Variants in FBXO15 observed in about 807,000 individuals in gnomAD.
FBXO15 encodes F-box only protein 15.
A neutral mutation model predicts 49.5 loss-of-function variants in FBXO15; 30 were observed. The observed-to-expected ratio is 0.61, with a 90% CI of 0.45 to 0.82. The LOEUF is 0.82. Among genes scored for constraint, FBXO15 ranks in the 40% least tolerant of loss-of-function variants. The probability of loss-of-function intolerance (pLI) is 0.00; values close to 1 mark genes in which losing one functional copy is unlikely to be tolerated. For synonymous variants in FBXO15, 250 were observed against 232.7 expected (o/e 1.07, Z -0.68); for missense variants, 591 against 631.5 (o/e 0.94, Z 0.69).
At chr18:74,088,685 G>A (rs1032109270) in intron 8 of FBXO15, among the ~76,000 whole-genome samples, 4 of 152,086 alleles carry the variant, frequency 2.6e-5, no homozygotes, top group Admixed American at 2.6e-4. Context: ...TGACTATTTG[G>A]GCTCTTTTTT....
chr18:74,138,344 G>T, intron 2 of FBXO15, among the ~76,000 whole-genome samples: 1 of 152,124 alleles, frequency 6.6e-6, no homozygotes, highest in East Asian at 1.9e-4. Context: ...ACCTGCAACA[G>T]CTGTGAGGGG....
intron 1 of FBXO15, among the ~76,000 whole-genome samples, chr18:74,141,181 G>C (rs969763490): frequency 2.0e-5 from 3 of 152,174 alleles, no homozygotes; most frequent in African/African-American, 7.2e-5. Flanking sequence ...GGTTCCTAAA[G>C]TAAATTTTAT....
Position 74,117,362 on chromosome 18 carries a change from GTTTA to G in FBXO15, c.1138+6002_1138+6005del, listed in dbSNP as rs1914276630. Among the ~76,000 whole-genome samples the G allele has an allele frequency of 3.3e-5, 5 of 152,128 alleles. No individual in the cohort carries two copies. In the South Asian group the frequency reaches 8.3e-4, roughly 25 times the overall value. On this transcript the variant is annotated intron_variant, in intron 8 of 9. Coordinates refer to ENST00000419743, the MANE Select transcript of FBXO15 (RefSeq NM_001142958.2). Reference sequence around the variant, plus strand: ...ATAACAACCATATAACCATCAAGGGGTTTATTAACGTTAACACAAAATTGGCTTA... The same window carrying G: ...ATAACAACCATATAACCATCAAGGGGTTAACGTTAACACAAAATTGGCTTA...
At chr18:74,126,602 A>T (rs1045290519) in intron 5 of FBXO15, among the ~76,000 whole-genome samples, 2 of 152,216 alleles carry the variant, frequency 1.3e-5, no homozygotes, top group African/African-American at 4.8e-5. Flanking sequence ...GTGAAAGTTG[A>T]CACATCAGAA....
intron 4 of FBXO15, among the ~76,000 whole-genome samples, chr18:74,129,924 C>T (rs571244239): frequency 6.6e-5 from 10 of 152,316 alleles, no homozygotes; most frequent in Admixed American, 1.3e-4. Context: ...GTTACTTCTG[C>T]TTTTCATTAA....
At chr18:74,089,441 C>T (rs984424747) in intron 8 of FBXO15, among the ~76,000 whole-genome samples, 10 of 152,148 alleles carry the variant, frequency 6.6e-5, no homozygotes, top group African/African-American at 2.2e-4. Context: ...TGTCTGATTG[C>T]TCTAGCCAGG....
rs1424854847 is a variant in FBXO15 at position 74,075,012 on chromosome 18, G to A, written c.1264-1282C>T. On this transcript the variant is annotated intron_variant, in intron 9 of 9. Transcript: ENST00000419743. The surrounding 1 kb of genome is among the most constrained non-coding windows in gnomAD (Gnocchi z 4.1). ...GTCCAGCAAAACCCCAGCCCCAGAG[G>A]AGCGCAGTTATTTTCTATCTGTCTG... is the stretch of plus-strand genomic sequence containing the variant. 6.6e-6 allele frequency among the ~76,000 whole-genome samples: 1 copy of A among 152,184 alleles called. No individual in the cohort carries two copies. Among genetic ancestry groups the A allele is most frequent in the Non-Finnish European group, 1.5e-5 (1 of 68,038 alleles).
At chr18:74,082,605 C>CCAGCTACTGG (rs1394231987) in intron 8 of FBXO15, among the ~76,000 whole-genome samples, 9 of 152,328 alleles carry the variant, frequency 5.9e-5, no homozygotes, top group African/African-American at 2.2e-4. Flanking sequence ...CAGCTCCAAG[C>CCAGCTACTGG]CAGCTACTGG....
chr18:74,123,252 G>A, intron 8 of FBXO15, 116 bp downstream of exon 8: 1 of 1,130,938 alleles, frequency 8.8e-7, no homozygotes, highest in Non-Finnish European at 1.3e-6. Flanking sequence ...GGAGGATACT[G>A]GTGCCAAAAG....
rs1465979171 is a variant in FBXO15 at position 74,126,094 on chromosome 18, A to G, written c.793T>C (p.Trp265Arg). ...YKTPTKHRLR[W>R]HSLIAKYNLS... is the part of the protein sequence containing the mutation. Reference sequence around the variant, plus strand: ...TTGTACTTTGCAATTAAAGAATGCCATCGGAGTCTTTGAACGTTATGCCAA... The same window carrying G: ...TTGTACTTTGCAATTAAAGAATGCCGTCGGAGTCTTTGAACGTTATGCCAA... Residue 265 changes from tryptophan (W) to arginine (R), a missense_variant, in exon 6 of 10, where the codon TGG (tryptophan) becomes CGG (arginine). Trp to Arg is a moderately radical substitution (Grantham distance 101). Coordinates refer to ENST00000419743, the MANE Select transcript of FBXO15 (RefSeq NM_001142958.2). 2 of 1,613,796 alleles carry G rather than the reference A, an allele frequency of 1.2e-6. No homozygotes were observed. The highest frequency in any genetic ancestry group is 1.7e-5 in the Admixed American group (1 of 60,012).
chr18:74,099,337 TGAAA>T (rs1185891852), intron 8 of FBXO15: 1 of 152,026 alleles, frequency 6.6e-6, no homozygotes, highest in African/African-American at 2.4e-5. Context: ...GCTTCATAAA[TGAAA>T]GAAAGATACA....
At chr18:74,085,557 C>T (rs1388243800) in intron 8 of FBXO15, among the ~76,000 whole-genome samples, 3 of 152,192 alleles carry the variant, frequency 2.0e-5, no homozygotes, top group Non-Finnish European at 2.9e-5. Context: ...CGCACCACTG[C>T]ACTCCAGTCT....
chr18:74,118,485 CAG>C lies in FBXO15; in HGVS notation c.1138+4881_1138+4882del, dbSNP rs138973983. Among the ~76,000 whole-genome samples, 985 of 145,920 alleles carry C rather than the reference CAG, an allele frequency of 6.8e-3. 11 individuals carry two copies. The highest frequency in any genetic ancestry group is 0.023 in the African/African-American group (909 of 40,176). ...TCAAGGGGTCTATTAACATTATACACAGAGAGAGAGAGAGAGAAAGAGAAAGA... is the reference window on the plus strand; with the variant it reads ...TCAAGGGGTCTATTAACATTATACACAGAGAGAGAGAGAGAAAGAGAAAGA... On this transcript the variant is annotated intron_variant, in intron 8 of 9. Coordinates refer to ENST00000419743, the MANE Select transcript of FBXO15 (RefSeq NM_001142958.2).
intron 6 of FBXO15, 131 bp from the exon 7 acceptor site, chr18:74,124,702 G>A: frequency 1.4e-6 from 1 of 718,406 alleles, no homozygotes. Flanking sequence ...GATCACCACA[G>A]TGCTAATGCA....
At chr18:74,079,002 C>T (rs565036660) in intron 9 of FBXO15, among the ~76,000 whole-genome samples, 2 of 152,198 alleles carry the variant, frequency 1.3e-5, no homozygotes, top group Non-Finnish European at 2.9e-5. Flanking sequence ...TGCTGACCCA[C>T]GATGTACCCA....
intron 8 of FBXO15, among the ~76,000 whole-genome samples, chr18:74,110,693 C>T (rs185582117): frequency 6.7e-6 from 1 of 149,906 alleles, no homozygotes; most frequent in East Asian, 2.0e-4. Flanking sequence ...TGTAAAGATA[C>T]ATACAAATTA....
In FBXO15 at chr18:74,075,484, G is replaced by A. The variant is rs1912220822; in HGVS notation, c.1264-1754C>T. Among the ~76,000 whole-genome samples, 1 of 152,202 alleles carries A rather than the reference G, an allele frequency of 6.6e-6. No homozygotes were observed. Among genetic ancestry groups the A allele is most frequent in the South Asian group, 2.1e-4 (1 of 4,832 alleles). On this transcript the variant is annotated intron_variant, in intron 9 of 9. Coordinates refer to ENST00000419743, the MANE Select transcript of FBXO15 (RefSeq NM_001142958.2). The surrounding 1 kb of genome is among the most constrained non-coding windows in gnomAD (Gnocchi z 4.1). ...AAGTAACTCCCATCTTAGAGAGGCA[G>A]AGAGAGGGAAACAGCCTCCCTGGGC...
At chr18:74,122,526 G>A (rs1176610140) in intron 8 of FBXO15, 5 of 152,288 alleles carry the variant, frequency 3.3e-5, no homozygotes, top group South Asian at 2.1e-4. Context: ...CAAAATATTT[G>A]ATTTAGGCAC....
At chr18:74,139,569 GC>G (rs1978936841) in intron 2 of FBXO15, among the ~76,000 whole-genome samples, 1 of 152,124 alleles carries the variant, frequency 6.6e-6, no homozygotes, top group Non-Finnish European at 1.5e-5. Flanking sequence ...TTGAAATCAG[GC>G]AACTTATATC....
Sources: allele counts gnomAD v4.1 joint callset (sites outside exome capture counted in the v4.1 genomes callset), GRCh38; gene constraint gnomAD v4.1.1; non-coding constraint Gnocchi (gnomAD v3.1); transcripts MANE v1.5; gene names NCBI Gene and HGNC (gene_info 2026-07-23, HGNC 2026-07-21).